The following MCTP1 variants were observed in gnomAD, a reference collection of about 807,000 sequenced individuals.
The protein encoded by MCTP1 is multiple C2 and transmembrane domain containing 1.
Under a neutral mutation model 120.6 loss-of-function variants are expected in MCTP1, and 69 were observed. The ratio of observed to expected loss-of-function variants is 0.57; its 90% CI spans 0.47 to 0.70. The LOEUF (loss-of-function observed/expected upper bound fraction) is 0.70. Ranked by LOEUF, MCTP1 falls within the 30% of genes least tolerant of loss-of-function variation. The probability of loss-of-function intolerance (pLI) is 0.00; values close to 1 mark genes in which losing one functional copy is unlikely to be tolerated. For synonymous variants in MCTP1, 529 were observed against 493.1 expected (o/e 1.07, Z -0.96); for missense variants, 1,203 against 1,248.8 (o/e 0.96, Z 0.55).
At chr5:95,237,531 C>T (rs1755687838) in intron 1 of MCTP1, among the ~76,000 whole-genome samples, 1 of 152,090 alleles carries the variant, frequency 6.6e-6, no homozygotes, top group Non-Finnish European at 1.5e-5. Context: ...TACTTGCTGC[C>T]TCCCTCAGGA....
chr5:94,790,611 T>C (rs561304778), intron 18 of MCTP1, among the ~76,000 whole-genome samples: 36 of 152,268 alleles, frequency 2.4e-4, no homozygotes, highest in Middle Eastern at 3.4e-3. Context: ...AAATAACTCA[T>C]GTCGGGCCTT....
intron 1 of MCTP1, among the ~76,000 whole-genome samples, chr5:95,254,270 C>T (rs1400981151): frequency 1.3e-5 from 2 of 152,130 alleles, no homozygotes; most frequent in Non-Finnish European, 2.9e-5. Flanking sequence ...TTTGAGGGCT[C>T]CCTACGTACC....
intron 1 of MCTP1, among the ~76,000 whole-genome samples, chr5:95,150,431 T>C (rs1479245122): frequency 6.6e-6 from 1 of 152,214 alleles, no homozygotes; most frequent in East Asian, 1.9e-4. Flanking sequence ...TTTTATAGTA[T>C]GGTATCCTAA....
chr5:94,871,103 C>T, intron 14 of MCTP1, 130 bp from the exon 15 acceptor site: 1 of 765,962 alleles, frequency 1.3e-6, no homozygotes, highest in South Asian at 1.6e-5. Context: ...CTGACAAGTA[C>T]CTGTTCATTA....
At chr5:94,724,113 C>A (rs1761573795) in intron 19 of MCTP1, among the ~76,000 whole-genome samples, 1 of 152,084 alleles carries the variant, frequency 6.6e-6, no homozygotes, top group African/African-American at 2.4e-5. Context: ...TCTAATTCAA[C>A]AAAAATTATT....
chr5:95,037,505 T>TA (rs1452710097), intron 1 of MCTP1, among the ~76,000 whole-genome samples: 3 of 152,236 alleles, frequency 2.0e-5, no homozygotes, highest in African/African-American at 7.2e-5. Flanking sequence ...TCCTACTTTT[T>TA]AGAAGTTTTC....
chr5:94,922,304 T>C (rs1044088640), intron 7 of MCTP1, among the ~76,000 whole-genome samples: 32 of 152,282 alleles, frequency 2.1e-4, no homozygotes, highest in African/African-American at 7.0e-4. Flanking sequence ...AACTTGGAAG[T>C]AGCAAAGAAG....
intron 5 of MCTP1, among the ~76,000 whole-genome samples, chr5:94,936,101 A>G (rs2153490801): frequency 6.6e-6 from 1 of 152,154 alleles, no homozygotes; most frequent in South Asian, 2.1e-4. Context: ...TTCCATGGGA[A>G]GAGCAATAAG....
At chr5:95,084,963 TGAG>T (rs1755316444) in intron 1 of MCTP1, among the ~76,000 whole-genome samples, 1 of 152,168 alleles carries the variant, frequency 6.6e-6, no homozygotes, top group African/African-American at 2.4e-5. Context: ...GTATGACTAA[TGAG>T]GATCTGAATT....
intron 2 of MCTP1, among the ~76,000 whole-genome samples, chr5:94,973,877 C>A (rs1191134049): frequency 6.6e-6 from 1 of 152,060 alleles, no homozygotes; most frequent in Admixed American, 6.6e-5. Flanking sequence ...GGGTTCCAAT[C>A]TCTGCTCCTG....
At chr5:95,059,265 A>G (rs1748273957) in intron 1 of MCTP1, among the ~76,000 whole-genome samples, 1 of 152,144 alleles carries the variant, frequency 6.6e-6, no homozygotes, top group Non-Finnish European at 1.5e-5. Context: ...TTGCAGCAAC[A>G]TGGATGCAGC....
intron 1 of MCTP1, among the ~76,000 whole-genome samples, chr5:95,127,720 C>T (rs1056997639): frequency 6.6e-6 from 1 of 152,088 alleles, no homozygotes; most frequent in Non-Finnish European, 1.5e-5. Context: ...TGACTCCAAC[C>T]CGTACTGTAA....
intron 2 of MCTP1, among the ~76,000 whole-genome samples, chr5:94,983,749 C>A (rs1829954467): frequency 6.6e-6 from 1 of 152,186 alleles, no homozygotes; most frequent in South Asian, 2.1e-4. Flanking sequence ...CCATACATGG[C>A]TGGGTATCCC....
chr5:95,062,765 A>T (rs761318372), intron 1 of MCTP1, among the ~76,000 whole-genome samples: 2 of 152,096 alleles, frequency 1.3e-5, no homozygotes, highest in African/African-American at 2.4e-5. Flanking sequence ...ATGTTTTCTT[A>T]TGATTGCTGG....
At chr5:94,784,102 AAAAG>A (rs973863400) in intron 18 of MCTP1, among the ~76,000 whole-genome samples, 2 of 152,248 alleles carry the variant, frequency 1.3e-5, no homozygotes, top group African/African-American at 2.4e-5. Flanking sequence ...AAACTGACAC[AAAAG>A]AAAGAAGTTT....
At chr5:94,736,805 G>A (rs533774663) in intron 19 of MCTP1, among the ~76,000 whole-genome samples, 3 of 152,226 alleles carry the variant, frequency 2.0e-5, no homozygotes, top group East Asian at 3.9e-4. Context: ...AATACACTAC[G>A]TAGTTGTATT....
chr5:94,711,316 C>G (rs1293253025), intron 20 of MCTP1, among the ~76,000 whole-genome samples: 4 of 152,152 alleles, frequency 2.6e-5, no homozygotes, highest in Admixed American at 6.6e-5. Flanking sequence ...ATTCTTCCTT[C>G]TATCAACTCT....
rs1304195919 is a variant in MCTP1 at position 94,748,090 on chromosome 5, C to T, written c.2610+31020G>A. ...GGGTGACAAGAGTGCAACTCTGTCT[C>T]AAGAAAGAAACCATAAGGAAGTTTT... On this transcript the variant is annotated intron_variant, in intron 19 of 22. Coordinates refer to ENST00000515393, the MANE Select transcript of MCTP1 (RefSeq NM_024717.7). Among the ~76,000 whole-genome samples the T allele has an allele frequency of 2.0e-5, 3 of 152,224 alleles. No individual in the cohort carries two copies. The South Asian group carries it at 6.2e-4, about 32-fold the overall frequency.
intron 19 of MCTP1, among the ~76,000 whole-genome samples, chr5:94,762,022 C>T (rs1032240282): frequency 3.9e-5 from 6 of 152,198 alleles, no homozygotes; most frequent in African/African-American, 1.4e-4. Context: ...GCTGCAGTCC[C>T]AGGCATCTGA....
Sources: allele counts gnomAD v4.1 joint callset (sites outside exome capture counted in the v4.1 genomes callset), GRCh38; gene constraint gnomAD v4.1.1; transcripts MANE v1.5; gene names NCBI Gene and HGNC (gene_info 2026-07-23, HGNC 2026-07-21).